B3GLCT: variants seen among roughly 807,000 people sequenced by gnomAD.
B3GLCT encodes the protein beta 3-glucosyltransferase.
In B3GLCT, 65 loss-of-function variants were observed where a neutral mutation model predicts 63.4. The ratio of observed to expected loss-of-function variants is 1.03; its 90% CI spans 0.84 to 1.26. The LOEUF is 1.26. Among genes scored for constraint, B3GLCT ranks in the 50% most tolerant of loss-of-function variants. B3GLCT has a pLI of 0.00. For missense variants in B3GLCT, 577 were observed against 604.8 expected (o/e 0.95, Z 0.48); for synonymous variants, 233 against 219.2 (o/e 1.06, Z -0.55).
chr13:31,258,740 A>C (rs374399283), intron 6 of B3GLCT, among the ~76,000 whole-genome samples: 11 of 152,128 alleles, frequency 7.2e-5, no homozygotes, highest in African/African-American at 2.7e-4. Flanking sequence ...TTAATTTTCA[A>C]CAGTGTTACC....
Position 31,290,470 on chromosome 13 carries a change from A to G in B3GLCT, c.1064+3651A>G, listed in dbSNP as rs147630282. Among the ~76,000 whole-genome samples, 549 of 152,086 alleles carry G rather than the reference A, an allele frequency of 3.6e-3. 2 individuals carry two copies. The highest frequency in any genetic ancestry group is 0.013 in the African/African-American group (520 of 41,494). On this transcript the variant is annotated intron_variant, in intron 12 of 14. Coordinates refer to ENST00000343307, the MANE Select transcript of B3GLCT (RefSeq NM_194318.4). ...TTCCACAATGGTTGAACTAATTTAC[A>G]CTCCCACCAGCAGTGTAAAAGTGTT...
intron 14 of B3GLCT, among the ~76,000 whole-genome samples, chr13:31,324,850 G>A (rs7990427): frequency 0.028 from 4,267 of 152,080 alleles, 197 homozygotes; most frequent in African/African-American, 0.098. Flanking sequence ...GACTACAGGC[G>A]CACACCGCCA....
intron 12 of B3GLCT, among the ~76,000 whole-genome samples, chr13:31,298,525 T>C (rs1214312659): frequency 6.6e-6 from 1 of 152,236 alleles, no homozygotes; most frequent in African/African-American, 2.4e-5. Flanking sequence ...GACAATGTCA[T>C]CTGTTTCTCT....
intron 1 of B3GLCT, among the ~76,000 whole-genome samples, chr13:31,212,257 GCA>G (rs1869301223): frequency 7.0e-6 from 1 of 143,748 alleles, no homozygotes; most frequent in Non-Finnish European, 1.5e-5. Flanking sequence ...GCATGCTCTA[GCA>G]TAACTGGCTT....
intron 7 of B3GLCT, among the ~76,000 whole-genome samples, chr13:31,268,072 C>T (rs1296435345): frequency 6.6e-6 from 1 of 152,104 alleles, no homozygotes; most frequent in East Asian, 1.9e-4. Flanking sequence ...GCTCTAACTC[C>T]TAGCCTCAAG....
chr13:31,259,240 T>C lies in B3GLCT; in HGVS notation c.460-1706T>C, dbSNP rs118008342. 8.5e-3 allele frequency among the ~76,000 whole-genome samples: 1,288 copies of C among 152,336 alleles called. 6 individuals carry two copies. The highest frequency in any genetic ancestry group is 0.013 in the Non-Finnish European group (916 of 68,028). On this transcript the variant is annotated intron_variant, in intron 6 of 14. Transcript: ENST00000343307. The stretch of plus-strand genomic sequence containing the variant: ...TGTTTTATCTGTGCATCTCCTTCTA[T>C]TTTTCACTTTTCTTGTTTCTGGTTT...
At chr13:31,304,410 A>C (rs1339674659) in intron 12 of B3GLCT, among the ~76,000 whole-genome samples, 1 of 53,970 alleles carries the variant, frequency 1.9e-5, no homozygotes, top group Non-Finnish European at 4.0e-5. Flanking sequence ...AAGACCCATC[A>C]GTGTGCTGTA....
In B3GLCT at chr13:31,325,964, A is replaced by G. The variant is rs536976944; in HGVS notation, c.1329+2069A>G. 2.6e-5 allele frequency among the ~76,000 whole-genome samples: 4 copies of G among 152,332 alleles called. No individual in the cohort carries two copies. The South Asian group carries it at 8.3e-4, about 32-fold the overall frequency. On this transcript the variant is annotated intron_variant, in intron 14 of 14. Transcript: ENST00000343307. The stretch of plus-strand genomic sequence containing the variant: ...TAGAAGGGGACTCCAGGGAAAATCT[A>G]GTATTTCCCTTTGTTGAAAGCACAG...
In B3GLCT at chr13:31,234,366, A is replaced by G. The variant is rs1870537816; in HGVS notation, c.270+5072A>G. ...GGTGGAAGAGCAGTGATAGAAGGGT[A>G]CTTGGGACACAAAGGAGGGCCCCTA... On this transcript the variant is annotated intron_variant, in intron 4 of 14. Coordinates refer to ENST00000343307, the MANE Select transcript of B3GLCT (RefSeq NM_194318.4). Among the ~76,000 whole-genome samples the G allele has an allele frequency of 1.3e-5, 2 of 152,138 alleles. 1 individual carries two copies. Among genetic ancestry groups the G allele is most frequent in the South Asian group, 4.1e-4 (2 of 4,820 alleles).
chr13:31,242,201 G>A (rs2137797049), intron 4 of B3GLCT, among the ~76,000 whole-genome samples: 1 of 152,258 alleles, frequency 6.6e-6, no homozygotes, highest in African/African-American at 2.4e-5. Flanking sequence ...TGCAGGTGGG[G>A]CCATGATCCC....
At chr13:31,286,261 A>G (rs1294949600) in intron 11 of B3GLCT, among the ~76,000 whole-genome samples, 1 of 152,246 alleles carries the variant, frequency 6.6e-6, no homozygotes, top group Admixed American at 6.5e-5. Context: ...GTAAATATTT[A>G]CAAAATAAGT....
At chr13:31,217,830 T>C (rs531638188) in intron 2 of B3GLCT, among the ~76,000 whole-genome samples, 196 of 152,360 alleles carry the variant, frequency 1.3e-3, no homozygotes, top group African/African-American at 4.5e-3. Context: ...TTGGTTACTG[T>C]AGCCTTGAAA....
intron 6 of B3GLCT, 30 bp from the exon 7 acceptor site, chr13:31,260,916 A>G (rs747193248): frequency 6.2e-7 from 1 of 1,602,922 alleles, no homozygotes; most frequent in Non-Finnish European, 8.5e-7. Flanking sequence ...GATTGTTTTT[A>G]AAGTGACATG....
chr13:31,235,184 G>A (rs978589234), intron 4 of B3GLCT, among the ~76,000 whole-genome samples: 4 of 152,164 alleles, frequency 2.6e-5, no homozygotes, highest in Non-Finnish European at 5.9e-5. Flanking sequence ...CTCAGATGAG[G>A]TGGGGCTGCT....
intron 7 of B3GLCT, among the ~76,000 whole-genome samples, chr13:31,268,470 T>A (rs1472676455): frequency 6.6e-6 from 1 of 152,212 alleles, no homozygotes; most frequent in Non-Finnish European, 1.5e-5. Context: ...CTTTGTACTC[T>A]GGTGGTCAAG....
Position 31,331,612 on chromosome 13 carries a change from A to T in B3GLCT, c.*1944A>T, listed in dbSNP as rs1192334069. On this transcript the variant is annotated 3_prime_UTR_variant, in exon 15 of 15. Transcript: ENST00000343307. ...AAATGAATGAATGAAATCAGAAAAA[A>T]GTCAGCGGCTCAGTAAATACAGTTT... 2.6e-5 allele frequency: 4 copies of T among 152,352 alleles called. No individual in the cohort carries two copies. The highest frequency in any genetic ancestry group is 9.6e-5 in the African/African-American group (4 of 41,594). The allele number at this position is 152,352 out of a possible 1,614,324, so 9.4% of individuals were successfully genotyped here.
chr13:31,250,757 C>G (rs954949347), intron 6 of B3GLCT, among the ~76,000 whole-genome samples: 1 of 152,230 alleles, frequency 6.6e-6, no homozygotes, highest in Admixed American at 6.5e-5. Flanking sequence ...GACAGAGAAC[C>G]TGGGGGAAGG....
At chr13:31,204,451 C>T (rs375783775) in intron 1 of B3GLCT, among the ~76,000 whole-genome samples, 24 of 152,152 alleles carry the variant, frequency 1.6e-4, no homozygotes, top group East Asian at 1.4e-3. Flanking sequence ...GAGGATGTGA[C>T]GTTAGAGCTC....
intron 7 of B3GLCT, 50 bp downstream of exon 7, chr13:31,261,132 C>G: frequency 1.8e-6 from 1 of 547,874 alleles, no homozygotes; most frequent in Non-Finnish European, 3.0e-6. Context: ...TGTGCATCAA[C>G]TTTAATTTCA....
Sources: allele counts gnomAD v4.1 joint callset (sites outside exome capture counted in the v4.1 genomes callset), GRCh38; gene constraint gnomAD v4.1.1; transcripts MANE v1.5; gene names NCBI Gene and HGNC (gene_info 2026-07-23, HGNC 2026-07-21).